SPECC1L: variants seen among roughly 807,000 people sequenced by gnomAD.
The protein encoded by SPECC1L is cytospin-A.
In SPECC1L, 40 loss-of-function variants were observed where a neutral mutation model predicts 116.8. The observed-to-expected ratio is 0.34, with a 90% CI of 0.27 to 0.45. The LOEUF (loss-of-function observed/expected upper bound fraction) is 0.45, where lower values mean the gene tolerates loss of function less well. Among genes scored for constraint, SPECC1L ranks in the 20% least tolerant of loss-of-function variants. SPECC1L has a pLI of 1.00. For missense variants in SPECC1L, 1,110 were observed against 1,373.6 expected, an observed-to-expected ratio of 0.81 and a Z score of 3.03; for synonymous variants, 504 against 500.6, an observed-to-expected ratio of 1.01 and a Z score of -0.09.
intron 12 of SPECC1L, among the ~76,000 whole-genome samples, chr22:24,365,190 T>C (rs938778358): frequency 3.3e-5 from 5 of 152,110 alleles, no homozygotes; most frequent in Non-Finnish European, 7.4e-5. Context: ...GTATTTTTAG[T>C]AGAGACAGGA....
intron 2 of SPECC1L, among the ~76,000 whole-genome samples, chr22:24,283,320 C>T (rs1340402855): frequency 6.6e-6 from 1 of 152,102 alleles, no homozygotes; most frequent in African/African-American, 2.4e-5. Context: ...CCTGGTGATC[C>T]GCCCACCTCG....
At chr22:24,395,815 A>T (rs1181469804) in intron 14 of SPECC1L, among the ~76,000 whole-genome samples, 1 of 152,012 alleles carries the variant, frequency 6.6e-6, no homozygotes, top group Non-Finnish European at 1.5e-5. Flanking sequence ...ATTTTTTTGC[A>T]TTTTTAATAG....
chr22:24,313,315 C>T lies in SPECC1L; in HGVS notation c.156C>T (p.Thr52=). 1 of 1,613,882 alleles carries T rather than the reference C, an allele frequency of 6.2e-7. No individual in the cohort carries two copies. ...KPGTAASLSK[T]KSSDDLLAGM... ...TTTTTATTTTCTGTTGCTTCTAGACCAAGAGCAGTGATGACCTTTTAGCTG... is the reference window on the plus strand; with the variant it reads ...TTTTTATTTTCTGTTGCTTCTAGACTAAGAGCAGTGATGACCTTTTAGCTG... The change falls in exon 4 of 17, where the codon ACC becomes ACT. Residue 52 remains threonine (T), a splice_region_variant and synonymous_variant. Coordinates refer to ENST00000314328, the MANE Select transcript of SPECC1L (RefSeq NM_015330.6).
At chr22:24,304,930 TA>T in intron 3 of SPECC1L, among the ~76,000 whole-genome samples, 1 of 152,318 alleles carries the variant, frequency 6.6e-6, no homozygotes, top group Non-Finnish European at 1.5e-5. Context: ...GGAATGCTTG[TA>T]CCAAATTATT....
chr22:24,408,925 C>T (rs894363765), intron 14 of SPECC1L, among the ~76,000 whole-genome samples: 4 of 152,250 alleles, frequency 2.6e-5, no homozygotes, highest in Non-Finnish European at 4.4e-5. Flanking sequence ...GCTGGACTGA[C>T]GGTCTCCCTC....
chr22:24,394,380 T>A (rs2042327361), intron 14 of SPECC1L, among the ~76,000 whole-genome samples: 3 of 152,074 alleles, frequency 2.0e-5, no homozygotes, highest in South Asian at 4.2e-4. Flanking sequence ...CTGTCTGGGG[T>A]CCCTTTTAAA....
intron 14 of SPECC1L, among the ~76,000 whole-genome samples, chr22:24,399,992 A>G (rs1033961165): frequency 2.0e-5 from 3 of 152,258 alleles, no homozygotes; most frequent in Non-Finnish European, 4.4e-5. Context: ...CTCCAGGATA[A>G]TTTAGTTGTT....
chr22:24,304,391 A>G (rs1449883612), intron 3 of SPECC1L: 1 of 152,232 alleles, frequency 6.6e-6, no homozygotes, highest in Non-Finnish European at 1.5e-5. Flanking sequence ...GACTCTTTTG[A>G]TCCAGGACAC....
intron 4 of SPECC1L, among the ~76,000 whole-genome samples, chr22:24,313,931 G>A (rs553117800): frequency 2.0e-5 from 3 of 152,046 alleles, no homozygotes; most frequent in Admixed American, 6.5e-5. Context: ...TAGAGATGGG[G>A]TTTCACCATG....
chr22:24,333,258 C>T (rs1223363181), intron 8 of SPECC1L, among the ~76,000 whole-genome samples: 1 of 152,112 alleles, frequency 6.6e-6, no homozygotes, highest in African/African-American at 2.4e-5. Flanking sequence ...GTAATCATGA[C>T]AGCTAAATGA....
intron 2 of SPECC1L, among the ~76,000 whole-genome samples, chr22:24,289,419 G>T (rs887576889): frequency 5.3e-5 from 8 of 152,172 alleles, no homozygotes; most frequent in African/African-American, 1.7e-4. Context: ...AGTGAGAGAA[G>T]ATCTCCAGAA....
intron 14 of SPECC1L, among the ~76,000 whole-genome samples, chr22:24,397,710 T>G (rs948763555): frequency 6.6e-6 from 1 of 152,250 alleles, no homozygotes; most frequent in African/African-American, 2.4e-5. Flanking sequence ...AGTATTTGAA[T>G]GAGTCCAGAT....
At chr22:24,284,596 G>A (rs1360535797) in intron 2 of SPECC1L, among the ~76,000 whole-genome samples, 4 of 151,830 alleles carry the variant, frequency 2.6e-5, no homozygotes, top group East Asian at 1.9e-4. Flanking sequence ...TACCACATCC[G>A]GCTAATTTTT....
At chr22:24,369,067 A>G in intron 13 of SPECC1L, 151 bp from the exon 14 acceptor site, 2 of 679,178 alleles carry the variant, frequency 2.9e-6, no homozygotes, top group Non-Finnish European at 5.3e-6. Context: ...GGAGCCATAA[A>G]CTAAAAATCA....
At chr22:24,383,792 A>ATTTTTTTTTTTCTTTTTTT (rs2042106138) in intron 14 of SPECC1L, among the ~76,000 whole-genome samples, 1 of 77,338 alleles carries the variant, frequency 1.3e-5, no homozygotes, top group African/African-American at 6.5e-5. Context: ...ACCCACCACT[A>ATTTTTTTTTTTCTTTTTTT]TTTTTTTTTT....
At chr22:24,361,019 C>T (rs187339929) in intron 11 of SPECC1L, among the ~76,000 whole-genome samples, 21 of 152,266 alleles carry the variant, frequency 1.4e-4, no homozygotes, top group African/African-American at 5.1e-4. Flanking sequence ...CTATATACAT[C>T]CCATCTTTAT....
Position 24,317,487 on chromosome 22 carries a change from A to AC in SPECC1L, c.308-3794dup, listed in dbSNP as rs1217761803. 1.0e-2 allele frequency among the ~76,000 whole-genome samples: 700 copies of AC among 70,176 alleles called. 65 individuals carry two copies. The highest frequency in any genetic ancestry group is 0.016 in the South Asian group (32 of 1,974). The allele number at this position is 70,176 out of a possible 152,430, so 46.0% of individuals were successfully genotyped here. A position where few individuals can be genotyped will look rare whatever the true frequency, so the allele number is the denominator to read the frequency against. ...GGGCGGCTGGCTGGGCAGGGGGCTG[A>AC]CCCCCCCACCTCCCTCCCGGACGGG... On this transcript the variant is annotated intron_variant, in intron 4 of 16. Transcript: ENST00000314328.
At chr22:24,300,021 T>C (rs954251920) in intron 2 of SPECC1L, among the ~76,000 whole-genome samples, 2 of 152,222 alleles carry the variant, frequency 1.3e-5, no homozygotes, top group African/African-American at 4.8e-5. Context: ...TTGTTCTTTA[T>C]TTAAAAAAGA....
Position 24,417,706 on chromosome 22 carries a change from C to T in SPECC1L, c.*3083C>T, listed in dbSNP as rs1321007559. 1 of 152,078 alleles carries T rather than the reference C, an allele frequency of 6.6e-6. No individual in the cohort carries two copies. The highest frequency in any genetic ancestry group is 1.5e-5 in the Non-Finnish European group (1 of 68,030). 9.4% of individuals were successfully genotyped at this position (152,078 alleles called of 1,614,324 possible). ...GAGAAAAAGAAAAAAGGTATCCTAC[C>T]CAGAGGCAACCAGATAAACTTTTTT... is the stretch of plus-strand genomic sequence containing the variant. On this transcript the variant is annotated 3_prime_UTR_variant, in exon 17 of 17. Coordinates refer to ENST00000314328, the MANE Select transcript of SPECC1L (RefSeq NM_015330.6).
Sources: allele counts gnomAD v4.1 joint callset (sites outside exome capture counted in the v4.1 genomes callset), GRCh38; gene constraint gnomAD v4.1.1; transcripts MANE v1.5; gene names NCBI Gene and HGNC (gene_info 2026-07-23, HGNC 2026-07-21).